KIF5B: variants seen among roughly 807,000 people sequenced by gnomAD.
The protein encoded by KIF5B is kinesin-1 heavy chain.
In KIF5B, 49 loss-of-function variants were observed where a neutral mutation model predicts 132.8. The ratio of observed to expected loss-of-function variants is 0.37; its 90% CI spans 0.29 to 0.47. KIF5B has a LOEUF of 0.47. Ranked by LOEUF, KIF5B falls within the 20% of genes least tolerant of loss-of-function variation. The probability of loss-of-function intolerance (pLI) is 1.00; values close to 1 mark genes in which losing one functional copy is unlikely to be tolerated. For missense variants in KIF5B, 780 were observed against 1,144.0 expected (o/e 0.68, Z 4.59); for synonymous variants, 355 against 369.4 (o/e 0.96, Z 0.45).
At chr10:32,054,227 T>C (rs1016559482) in intron 1 of KIF5B, among the ~76,000 whole-genome samples, 17 of 152,228 alleles carry the variant, frequency 1.1e-4, no homozygotes, top group Non-Finnish European at 2.5e-4. Flanking sequence ...AGCCTCAAGT[T>C]TGACAACTAA....
chr10:32,028,683 T>G, intron 14 of KIF5B, 112 bp from the exon 15 acceptor site: 1 of 872,386 alleles, frequency 1.1e-6, no homozygotes, highest in Non-Finnish European at 1.7e-6. Flanking sequence ...CCATGTCTTT[T>G]CTGCTTTCAT....
intron 2 of KIF5B, among the ~76,000 whole-genome samples, chr10:32,045,509 G>A (rs1841597207): frequency 6.6e-6 from 1 of 152,178 alleles, no homozygotes; most frequent in South Asian, 2.1e-4. Flanking sequence ...GGCTTCAAAT[G>A]AGCCCAAGTT....
Position 32,010,044 on chromosome 10 carries a change from TCTGA to T in KIF5B, c.*1489_*1492del, listed in dbSNP as rs1274655029. 1 of 152,206 alleles carries T rather than the reference TCTGA, an allele frequency of 6.6e-6. No individual in the cohort carries two copies. Among genetic ancestry groups the T allele is most frequent in the Admixed American group, 6.5e-5 (1 of 15,286 alleles). The allele number at this position is 152,206 out of a possible 1,614,324, so 9.4% of individuals were successfully genotyped here. A position where few individuals can be genotyped will look rare whatever the true frequency, so the allele number is the denominator to read the frequency against. On this transcript the variant is annotated 3_prime_UTR_variant, in exon 26 of 26. Coordinates refer to ENST00000302418, the MANE Select transcript of KIF5B (RefSeq NM_004521.3). The stretch of plus-strand genomic sequence containing the variant: ...AATAAGCCAATTATGATCTGAGTCT[TCTGA>T]CTATGGCTCCAAATTTAATACAAAT...
intron 15 of KIF5B, among the ~76,000 whole-genome samples, chr10:32,027,943 T>C (rs1328947161): frequency 2.0e-5 from 3 of 152,116 alleles, no homozygotes; most frequent in Non-Finnish European, 2.9e-5. Flanking sequence ...ATTTCACTTA[T>C]GGAAATTTAT....
intron 12 of KIF5B, 96 bp downstream of exon 12, chr10:32,033,749 G>A: frequency 1.4e-6 from 1 of 713,268 alleles, no homozygotes; most frequent in Non-Finnish European, 2.3e-6. Context: ...AAGATCCTAA[G>A]TGCCCACAGC....
chr10:32,032,850 T>C (rs1036083969), intron 12 of KIF5B, 76 bp from the exon 13 acceptor site: 5 of 996,662 alleles, frequency 5.0e-6, no homozygotes, highest in South Asian at 3.9e-5. Context: ...GGTTATAAGA[T>C]TACTACTCCC....
chr10:32,044,449 A>C (rs908079327), intron 2 of KIF5B, among the ~76,000 whole-genome samples: 4 of 152,190 alleles, frequency 2.6e-5, no homozygotes. Flanking sequence ...AGGTGGGCGG[A>C]TCACCTGAGG....
Position 32,055,964 on chromosome 10 carries a change from G to T in KIF5B, c.10C>A (p.Leu4Met). 1 of 1,607,034 alleles carries T rather than the reference G, an allele frequency of 6.2e-7. No individual in the cohort carries two copies. Reference protein sequence around the residue: MADLAECNIKVMCR... With the variant: MADMAECNIKVMCR... ...ATCACTTTGATGTTGCACTCGGCCA[G>T]GTCCGCCATCTTTCTCGCAGCCGGG... The change falls in exon 1 of 26, where the codon CTG (leucine) becomes ATG (methionine). Residue 4 changes from leucine (L) to methionine (M), a missense_variant. Physicochemically the swap from Leu to Met is conservative, Grantham distance 15 (BLOSUM62 2). Coordinates refer to ENST00000302418, the MANE Select transcript of KIF5B (RefSeq NM_004521.3).
chr10:32,044,301 C>T (rs1344279286), intron 2 of KIF5B, among the ~76,000 whole-genome samples: 2 of 152,200 alleles, frequency 1.3e-5, no homozygotes, highest in African/African-American at 2.4e-5. Context: ...TAATTTTGTA[C>T]AGTAGAAATA....
Position 32,034,671 on chromosome 10 carries a change from C to A in KIF5B, c.1111+19G>T. ...TCTGTATTTAACAAACTGAAGATGA[C>A]AAATTCTTAAGTTATTACCATTACG... On this transcript the variant is annotated intron_variant, in intron 11 of 25. Transcript: ENST00000302418. 6.6e-7 allele frequency: 1 copy of A among 1,523,044 alleles called. No homozygotes were observed. Among genetic ancestry groups the A allele is most frequent in the Non-Finnish European group, 8.8e-7 (1 of 1,138,880 alleles). The allele number at this position is 1,523,044 out of a possible 1,614,324, so 94.3% of individuals were successfully genotyped here.
Position 32,022,250 on chromosome 10 carries a change from G to C in KIF5B, c.1922C>G (p.Ala641Gly), listed in dbSNP as rs758104717. Residue 641 changes from alanine to glycine, a missense_variant, in exon 17 of 26, where the codon GCC (alanine) becomes GGC (glycine). This residue lies in a region of KIF5B where 471 missense variants were observed against 569.9 expected (regional missense o/e 0.83). Transcript: ENST00000302418. ...GTATTCAGTCAATGACTTGATTTTG[G>C]CTTCATGCTTTTGGAAAAAATATAC... The part of the protein sequence containing the change: ...ACQLRISQHE[A>G]KIKSLTEYLQ... The C allele has an allele frequency of 5.6e-6, 9 of 1,597,998 alleles. No individual in the cohort carries two copies. The highest frequency in any genetic ancestry group is 7.7e-6 in the Non-Finnish European group (9 of 1,168,474).
Position 32,056,160 on chromosome 10 carries a change from G to A in KIF5B, c.-187C>T, listed in dbSNP as rs1285098143. The A allele has an allele frequency of 6.3e-6, 4 of 633,186 alleles. No homozygotes were observed. The highest frequency in any genetic ancestry group is 2.0e-5 in the South Asian group (1 of 50,878). The allele number at this position is 633,186 out of a possible 1,614,324, so 39.2% of individuals were successfully genotyped here. A position where few individuals can be genotyped will look rare whatever the true frequency, so the allele number is the denominator to read the frequency against. On this transcript the variant is annotated 5_prime_UTR_variant, in exon 1 of 26. It adds an upstream start codon to the 5' untranslated region. Coordinates refer to ENST00000302418, the MANE Select transcript of KIF5B (RefSeq NM_004521.3). ...ACTTGAAGAGCCGGCGCCGGCAGCC[G>A]TTAACCCTAATGCTCACTTCCGATC...
In KIF5B at chr10:32,028,527, T is replaced by C. The variant is rs752922664; in HGVS notation, c.1626A>G (p.Glu542=). 1 of 1,614,038 alleles carries C rather than the reference T, an allele frequency of 6.2e-7. No homozygotes were observed. The part of the protein sequence containing the change: ...SIDAELQKLK[E]MTNHQKKRAA... Reference sequence around the variant, plus strand: ...CTCGTTTTTTCTGGTGGTTGGTCATTTCCTTAAGTTTCTGAAGCTCAGCAT... The same window carrying C: ...CTCGTTTTTTCTGGTGGTTGGTCATCTCCTTAAGTTTCTGAAGCTCAGCAT... The change falls in exon 15 of 26, where the codon GAA becomes GAG. Residue 542 remains glutamate (E), a synonymous_variant. Coordinates refer to ENST00000302418, the MANE Select transcript of KIF5B (RefSeq NM_004521.3).
Position 32,018,486 on chromosome 10 carries a change from TTCA to T in KIF5B, c.2367+13_2367+15del, listed in dbSNP as rs777804182. ...AAAATATTTCCCAATCCTGTTTATT[TTCA>T]TGTTTTTCTTACCACTGTCTCTTCC... is the stretch of plus-strand genomic sequence containing the variant. On this transcript the variant is annotated intron_variant, in intron 21 of 25. Transcript: ENST00000302418. 141 of 1,608,338 alleles carry T rather than the reference TTCA, an allele frequency of 8.8e-5. No individual in the cohort carries two copies. Among genetic ancestry groups the T allele is most frequent in the Non-Finnish European group, 1.2e-4 (136 of 1,177,776 alleles).
At chr10:32,032,574 C>G (rs1841415391) in intron 13 of KIF5B, 132 bp downstream of exon 13, 1 of 704,032 alleles carries the variant, frequency 1.4e-6, no homozygotes, top group African/African-American at 1.8e-5. Flanking sequence ...TCACTTTATC[C>G]ATGTGACATT....
At chr10:32,028,291 G>C in intron 15 of KIF5B, 137 bp downstream of exon 15, 1 of 633,014 alleles carries the variant, frequency 1.6e-6, no homozygotes. Context: ...TTTAAAATGC[G>C]GTTAATAACA....
chr10:32,021,173 T>C lies in KIF5B; in HGVS notation c.2095-42A>G, dbSNP rs771651034. 8.1e-6 allele frequency: 13 copies of C among 1,602,550 alleles called. No individual in the cohort carries two copies. In the East Asian group the frequency reaches 1.3e-4, roughly 17 times the overall value. On this transcript the variant is annotated intron_variant, in intron 18 of 25. Coordinates refer to ENST00000302418, the MANE Select transcript of KIF5B (RefSeq NM_004521.3). ...GAAAAGGATGTTAAAGTCAGACTAA[T>C]CAAAATTAATACTGATTAATTAAAG...
At chr10:32,035,857 G>C (rs1235328045) in intron 9 of KIF5B, 33 bp downstream of exon 9, 1 of 1,510,746 alleles carries the variant, frequency 6.6e-7, no homozygotes, top group Non-Finnish European at 9.1e-7. Flanking sequence ...TGCCCCATAA[G>C]GTAACAGGGA....
intron 1 of KIF5B, among the ~76,000 whole-genome samples, chr10:32,053,352 A>C (rs1564472233): frequency 6.6e-6 from 1 of 151,946 alleles, no homozygotes; most frequent in Non-Finnish European, 1.5e-5. Flanking sequence ...AAAACAATGA[A>C]CCAAAACATG....
Sources: allele counts gnomAD v4.1 joint callset (sites outside exome capture counted in the v4.1 genomes callset), GRCh38; gene constraint gnomAD v4.1.1; regional missense constraint gnomAD v4.1.1; transcripts MANE v1.5; gene names NCBI Gene and HGNC (gene_info 2026-07-23, HGNC 2026-07-21).